Variants in RAPGEF3 observed in about 807,000 individuals in gnomAD.
RAPGEF3 encodes Rap guanine nucleotide exchange factor 3.
Under a neutral mutation model 129.8 loss-of-function variants are expected in RAPGEF3, and 103 were observed. The ratio of observed to expected loss-of-function variants is 0.79; its 90% CI spans 0.68 to 0.93. RAPGEF3 has a LOEUF of 0.93. Ranked by LOEUF, RAPGEF3 falls within the 40% of genes least tolerant of loss-of-function variation. RAPGEF3 has a pLI of 0.00. For synonymous variants in RAPGEF3, 436 were observed against 482.6 expected, an observed-to-expected ratio of 0.90 and a Z score of 1.26; for missense variants, 1,117 against 1,207.4, an observed-to-expected ratio of 0.93 and a Z score of 1.11.
chr12:47,748,588 C>A (rs1941569599), intron 11 of RAPGEF3, 46 bp from the exon 12 acceptor site: 1 of 1,470,050 alleles, frequency 6.8e-7, no homozygotes, highest in African/African-American at 1.4e-5. Context: ...CTACTCCCCA[C>A]TCCCACACCT....
chr12:47,749,571 C>T lies in RAPGEF3; in HGVS notation c.895-35G>A, dbSNP rs761136260. 1.0e-5 allele frequency: 16 copies of T among 1,557,706 alleles called. No homozygotes were observed. The highest frequency in any genetic ancestry group is 4.1e-5 in the African/African-American group (3 of 73,564). On this transcript the variant is annotated intron_variant, in intron 9 of 27. Coordinates refer to ENST00000449771, the MANE Select transcript of RAPGEF3 (RefSeq NM_001098531.4). The surrounding 1 kb of genome is among the most constrained non-coding windows in gnomAD (Gnocchi z 4.5). ...GGCCTCAGTCTCAGCCCGCCCCTGC[C>T]GCCCCTGCCGCCCCCAGCTCTTGCC...
rs965965249 is a variant in RAPGEF3 at position 47,751,483 on chromosome 12, A to G, written c.418T>C (p.Leu140=). ...CSGRELVDGI[L]ALGLGVHSRS... ...GAATGGACCCCAAGTCCCAGGGCCA[A>G]GATCCCATCCACCAGCTCCCGGCCA... is the stretch of plus-strand genomic sequence containing the variant. Residue 140 remains leucine, a synonymous_variant, in exon 5 of 28, where the codon TTG becomes CTG. Transcript: ENST00000449771. The G allele has an allele frequency of 6.2e-7, 1 of 1,614,122 alleles. No individual in the cohort carries two copies. Among genetic ancestry groups the G allele is most frequent in the Non-Finnish European group, 8.5e-7 (1 of 1,180,050 alleles).
intron 23 of RAPGEF3, 94 bp from the exon 24 acceptor site, chr12:47,739,324 C>A: frequency 1.0e-6 from 1 of 992,260 alleles, no homozygotes; most frequent in Non-Finnish European, 1.6e-6. Context: ...CATCCCACAG[C>A]AGGTGCAGAG....
rs2136744198 is a variant in RAPGEF3, at chr12:47,740,843, G to A, written c.2050-20C>T. 1 of 1,613,624 alleles carries A rather than the reference G, an allele frequency of 6.2e-7. No individual in the cohort carries two copies. Among genetic ancestry groups the A allele is most frequent in the Non-Finnish European group, 8.5e-7 (1 of 1,179,864 alleles). On this transcript the variant is annotated intron_variant, in intron 20 of 27. Transcript: ENST00000449771. ...CTCCACCTGGGTGGGGTCAGCAGGAGAGGTCAGCGAGTGCTGAGCCGAGCC... is the reference window on the plus strand; with the variant it reads ...CTCCACCTGGGTGGGGTCAGCAGGAAAGGTCAGCGAGTGCTGAGCCGAGCC...
In RAPGEF3 at chr12:47,748,459, G is replaced by A; in HGVS notation, c.1238C>T (p.Pro413Leu). 6.2e-7 allele frequency: 1 copy of A among 1,613,054 alleles called. No homozygotes were observed. The highest frequency in any genetic ancestry group is 8.5e-7 in the Non-Finnish European group (1 of 1,179,520). Reference protein sequence around the residue: ...AMGPDSSAHDPTETFLSDFLL... With the variant: ...AMGPDSSAHDLTETFLSDFLL... ...AGGGTGTCTCTTGCCCTTACCTGTT[G>A]GGTCATGAGCACTGGAATCTGGTCC... The change falls in exon 12 of 28, where the codon CCA becomes CTA. Residue 413 changes from proline (P) to leucine (L), a missense_variant. Physicochemically the swap from Pro to Leu is moderately conservative, Grantham distance 98 (BLOSUM62 -3). Around this residue, in one of 3 missense-constraint regions of RAPGEF3, gnomAD observed 643 missense variants for 673.4 expected, o/e 0.95. Transcript: ENST00000449771.
At chr12:47,754,336 A>T (rs1282757372) in intron 2 of RAPGEF3, among the ~76,000 whole-genome samples, 2 of 152,250 alleles carry the variant, frequency 1.3e-5, no homozygotes, top group Admixed American at 6.5e-5. Context: ...ACTGGGTTAG[A>T]CAAAGATAGA....
At position 47,749,051 on chromosome 12, in the gene RAPGEF3, T is replaced by C; in HGVS notation, c.1042-120A>G. On this transcript the variant is annotated intron_variant, in intron 10 of 27. Coordinates refer to ENST00000449771, the MANE Select transcript of RAPGEF3 (RefSeq NM_001098531.4). The surrounding 1 kb of genome is among the most constrained non-coding windows in gnomAD (Gnocchi z 4.5). The stretch of plus-strand genomic sequence containing the variant: ...GGGTCCCACAGGGACCCACAGCCCT[T>C]CTCCCACCTCCGACTTTGGCTCCAC... The C allele has an allele frequency of 3.6e-6, 3 of 830,028 alleles. No individual in the cohort carries two copies. The highest frequency in any genetic ancestry group is 5.8e-6 in the Non-Finnish European group (3 of 515,040). 51.4% of individuals were successfully genotyped at this position (830,028 alleles called of 1,614,324 possible). A position where few individuals can be genotyped will look rare whatever the true frequency, so the allele number is the denominator to read the frequency against.
At position 47,736,749 on chromosome 12, in the gene RAPGEF3, G is replaced by A. The variant is rs1940813003; in HGVS notation, c.*818C>T. On this transcript the variant is annotated 3_prime_UTR_variant, in exon 28 of 28. Coordinates refer to ENST00000449771, the MANE Select transcript of RAPGEF3 (RefSeq NM_001098531.4). ...GAAAAGCGGGGATTGCAGTTGGGAA[G>A]AAGCTGTCAGTTGCATCTGGACTGT... 6.6e-6 allele frequency: 1 copy of A among 152,386 alleles called. No individual in the cohort carries two copies. Among genetic ancestry groups the A allele is most frequent in the South Asian group, 2.1e-4 (1 of 4,838 alleles). The allele number at this position is 152,386 out of a possible 1,614,324, so 9.4% of individuals were successfully genotyped here.
At position 47,740,915 on chromosome 12, in the gene RAPGEF3, C is replaced by A. The variant is rs1941121880; in HGVS notation, c.2049G>T (p.Gln683His). Residue 683 changes from glutamine (Q) to histidine (H), a missense_variant and splice_region_variant, in exon 20 of 28, where the codon CAG (glutamine) becomes CAT (histidine). Transcript: ENST00000449771. ...CCTCCCCCAGCTCTGCCTCCCATAC[C>A]TGGTGGATACTGTTGAAGAGGCTCC... ...HDWSLFNSIHQVELIHYVLGP... is the reference protein window; with the variant it reads ...HDWSLFNSIHHVELIHYVLGP... The A allele has an allele frequency of 6.2e-7, 1 of 1,613,902 alleles. No individual in the cohort carries two copies. The highest frequency in any genetic ancestry group is 1.3e-5 in the African/African-American group (1 of 74,944).
chr12:47,751,114 G>A lies in RAPGEF3; in HGVS notation c.605C>T (p.Ala202Val), dbSNP rs1252021429. 6.3e-7 allele frequency: 1 copy of A among 1,581,198 alleles called. No individual in the cohort carries two copies. The highest frequency in any genetic ancestry group is 8.6e-7 in the Non-Finnish European group (1 of 1,164,256). Reference sequence around the variant, plus strand: ...CTGGGAGAGCAGGGCCACAGCTTCGGCCAACTCCTCCTCCATCTCATGAGT... The same window carrying A: ...CTGGGAGAGCAGGGCCACAGCTTCGACCAACTCCTCCTCCATCTCATGAGT... ...VRTHEMEEEL[A>V]EAVALLSQRG... The change falls in exon 6 of 28, where the codon GCC becomes GTC. Residue 202 changes from alanine to valine, a missense_variant. Physicochemically the swap from Ala to Val is moderately conservative, Grantham distance 64. Coordinates refer to ENST00000449771, the MANE Select transcript of RAPGEF3 (RefSeq NM_001098531.4).
In RAPGEF3 at chr12:47,740,359, G is replaced by A. The variant is rs1477459570; in HGVS notation, c.2268C>T (p.Ala756=). 10 of 1,614,044 alleles carry A rather than the reference G, an allele frequency of 6.2e-6. No homozygotes were observed. Among genetic ancestry groups the A allele is most frequent in the Middle Eastern group, 1.6e-4 (1 of 6,062 alleles). ...KEQKNLNSFF[A]VMFGLSNSAI... is the part of the protein sequence containing the mutation. ...CCGAGTTGCTGAGGCCAAACATGAC[G>A]GCAAAGAAGGAATTGAGATTCTTCT... Residue 756 remains alanine (A), a synonymous_variant, in exon 22 of 28, where the codon GCC becomes GCT. Coordinates refer to ENST00000449771, the MANE Select transcript of RAPGEF3 (RefSeq NM_001098531.4).
rs963677914 is a variant in RAPGEF3 at position 47,735,475 on chromosome 12, C to G, written c.*2092G>C. The G allele has an allele frequency of 3.3e-5, 5 of 152,284 alleles. No homozygotes were observed. Among genetic ancestry groups the G allele is most frequent in the African/African-American group, 1.2e-4 (5 of 41,464 alleles). 9.4% of individuals were successfully genotyped at this position (152,284 alleles called of 1,614,324 possible). The stretch of plus-strand genomic sequence containing the variant: ...AGTGGCCTGGCCCCCTGGGCCGCAA[C>G]TCTTCTAGCTCCCAGAGTCTGTGTC... On this transcript the variant is annotated 3_prime_UTR_variant, in exon 28 of 28. Transcript: ENST00000449771.
In RAPGEF3 at chr12:47,741,541, A is replaced by G. The variant is rs1469078657; in HGVS notation, c.1887T>C (p.Arg629=). The G allele has an allele frequency of 1.2e-6, 2 of 1,614,068 alleles. No homozygotes were observed. Among genetic ancestry groups the G allele is most frequent in the Non-Finnish European group, 1.7e-6 (2 of 1,180,006 alleles). The change falls in exon 19 of 28, where the codon CGT becomes CGC. Residue 629 remains arginine (R), a synonymous_variant. Coordinates refer to ENST00000449771, the MANE Select transcript of RAPGEF3 (RefSeq NM_001098531.4). The part of the protein sequence containing the change: ...GVATSLGLNE[R]LFVVNPQEVH... ...CTTCCTGTGGGTTGACAACAAAGAG[A>G]CGCTCATTGAGCCCCAGAGATGTGG...
At chr12:47,755,046 G>A (rs1192956813) in intron 2 of RAPGEF3, among the ~76,000 whole-genome samples, 1 of 152,208 alleles carries the variant, frequency 6.6e-6, no homozygotes, top group African/African-American at 2.4e-5. Flanking sequence ...GGCTGCTTGT[G>A]GTGGGACAGG....
chr12:47,747,881 A>G lies in RAPGEF3; in HGVS notation c.1323-19T>C. On this transcript the variant is annotated intron_variant, in intron 13 of 27. Transcript: ENST00000449771. ...ATGGAAGGTGGGCACCAGTCAAGGG[A>G]ACCACAACATCCAAGCAGGGCCACC... 1 of 1,600,672 alleles carries G rather than the reference A, an allele frequency of 6.2e-7. No individual in the cohort carries two copies.
At chr12:47,751,360 A>G in intron 5 of RAPGEF3, 39 bp downstream of exon 5, 1 of 1,611,920 alleles carries the variant, frequency 6.2e-7, no homozygotes, top group South Asian at 1.1e-5. Flanking sequence ...CTCACTGCCC[A>G]GCCCAGCCCG....
chr12:47,734,741 G>A lies in RAPGEF3; in HGVS notation c.*2826C>T, dbSNP rs1466745237. 1 of 152,286 alleles carries A rather than the reference G, an allele frequency of 6.6e-6. No individual in the cohort carries two copies. The highest frequency in any genetic ancestry group is 2.4e-5 in the African/African-American group (1 of 41,468). 9.4% of individuals were successfully genotyped at this position (152,286 alleles called of 1,614,324 possible). On this transcript the variant is annotated 3_prime_UTR_variant, in exon 28 of 28. Coordinates refer to ENST00000449771, the MANE Select transcript of RAPGEF3 (RefSeq NM_001098531.4). The stretch of plus-strand genomic sequence containing the variant: ...GGAAGGAGAGCAGCCAGAGGCTGAG[G>A]GCTGTTGGAGACACAGAAGCCATAA...
chr12:47,741,644 G>A (rs1941174809), intron 18 of RAPGEF3, 42 bp from the exon 19 acceptor site: 2 of 1,409,498 alleles, frequency 1.4e-6, no homozygotes, highest in East Asian at 2.3e-5. Flanking sequence ...GGAAGGGAGG[G>A]AGGCCGGGGA....
rs1941157375 is a variant in RAPGEF3, at chr12:47,741,409, C to T, written c.1923+96G>A. ...CAGCAGCAGCCAGAGCCAGGCCCCT[C>T]CTCCCTCTTCTCCCTGGGACCCTCC... On this transcript the variant is annotated intron_variant, in intron 19 of 27. Coordinates refer to ENST00000449771, the MANE Select transcript of RAPGEF3 (RefSeq NM_001098531.4). 7.4e-6 allele frequency: 9 copies of T among 1,211,844 alleles called. 1 individual carries two copies. The South Asian group carries it at 1.1e-4, about 15-fold the overall frequency. 75.1% of individuals were successfully genotyped at this position (1,211,844 alleles called of 1,614,324 possible).
Sources: gnomAD v4.1 joint callset for allele counts (sites outside exome capture counted in the v4.1 genomes callset) on GRCh38, gnomAD v4.1.1 for gene constraint, gnomAD v4.1.1 regional missense constraint, Gnocchi (gnomAD v3.1) non-coding constraint, MANE v1.5 for transcripts, NCBI Gene and HGNC (gene_info 2026-07-23, HGNC 2026-07-21) for gene names.